Variants in LSAMP observed in about 807,000 individuals in gnomAD.
LSAMP encodes the protein limbic system-associated membrane protein.
In LSAMP, 7 loss-of-function variants were observed where a neutral mutation model predicts 38.6. The ratio of observed to expected loss-of-function variants is 0.18; its 90% CI spans 0.10 to 0.34. The LOEUF (loss-of-function observed/expected upper bound fraction) is 0.34, where lower values mean the gene tolerates loss of function less well. Ranked by LOEUF, LSAMP falls within the 10% of genes least tolerant of loss-of-function variation. The pLI is 1.00. For missense variants in LSAMP, 313 were observed against 420.0 expected (o/e 0.75, Z 2.23); for synonymous variants, 154 against 166.8 (o/e 0.92, Z 0.59).
chr3:115,805,843 T>C lies in LSAMP; in HGVS notation c.*4474A>G, dbSNP rs1414698995. ...TTTACAGATATTATGCCAACCATGA[T>C]GGAAAATTTACATCACTGAGGCAAA... On this transcript the variant is annotated 3_prime_UTR_variant, in exon 7 of 7. Transcript: ENST00000490035. The C allele has an allele frequency of 6.6e-6, 1 of 152,230 alleles. No individual in the cohort carries two copies. Among genetic ancestry groups the C allele is most frequent in the Non-Finnish European group, 1.5e-5 (1 of 68,040 alleles). The allele number at this position is 152,230 out of a possible 1,614,324, so 9.4% of individuals were successfully genotyped here. A position where few individuals can be genotyped will look rare whatever the true frequency, so the allele number is the denominator to read the frequency against.
intron 1 of LSAMP, among the ~76,000 whole-genome samples, chr3:116,217,345 A>T (rs2046232602): frequency 6.6e-6 from 1 of 152,230 alleles, no homozygotes; most frequent in African/African-American, 2.4e-5. Context: ...TAGAAGAGTG[A>T]CTGGCAACAT....
chr3:115,872,943 T>C lies in LSAMP; in HGVS notation c.515-20326A>G, dbSNP rs144367740. 8.2e-3 allele frequency among the ~76,000 whole-genome samples: 1,244 copies of C among 152,066 alleles called. 17 individuals are homozygous for C. Among genetic ancestry groups the C allele is most frequent in the African/African-American group, 0.028 (1,160 of 41,414 alleles). On this transcript the variant is annotated intron_variant, in intron 3 of 6. Transcript: ENST00000490035. ...CTAGTTTAATTAAGGAAGTATAACA[T>C]ATGTATGAAACATATATGATACATA...
At chr3:116,068,333 TCA>T (rs1707510730) in intron 2 of LSAMP, among the ~76,000 whole-genome samples, 1 of 152,202 alleles carries the variant, frequency 6.6e-6, no homozygotes, top group African/African-American at 2.4e-5. Context: ...CAATCTGCAT[TCA>T]GAAAAGTTAT....
In LSAMP at chr3:115,808,199, TCTTTC is replaced by T. The variant is rs1407867578; in HGVS notation, c.*2113_*2117del. 4.4e-5 allele frequency: 6 copies of T among 137,786 alleles called. No individual in the cohort carries two copies. Among genetic ancestry groups the T allele is most frequent in the Admixed American group, 1.5e-4 (2 of 13,536 alleles). 8.5% of individuals were successfully genotyped at this position (137,786 alleles called of 1,614,324 possible). A position where few individuals can be genotyped will look rare whatever the true frequency, so the allele number is the denominator to read the frequency against. On this transcript the variant is annotated 3_prime_UTR_variant, in exon 7 of 7. Coordinates refer to ENST00000490035, the MANE Select transcript of LSAMP (RefSeq NM_002338.5). ...TGCCTTCCTTCCTTCCTTCCTTCCT[TCTTTC>T]CTTTCTTTTTTTCCAGTTACAAAGT... is the stretch of plus-strand genomic sequence containing the variant.
At chr3:116,032,230 A>G (rs1291132290) in intron 2 of LSAMP, among the ~76,000 whole-genome samples, 1 of 152,210 alleles carries the variant, frequency 6.6e-6, no homozygotes, top group African/African-American at 2.4e-5. Flanking sequence ...AGTAATAATG[A>G]CAGTAATTAA....
intron 1 of LSAMP, among the ~76,000 whole-genome samples, chr3:116,426,865 AATTATT>A (rs1197339109): frequency 6.6e-6 from 1 of 150,636 alleles, no homozygotes; most frequent in Non-Finnish European, 1.5e-5. Flanking sequence ...GGGGGAGTGT[AATTATT>A]ATTATTAATA....
intron 1 of LSAMP, among the ~76,000 whole-genome samples, chr3:116,123,350 T>A (rs1417121515): frequency 3.9e-5 from 6 of 152,198 alleles, no homozygotes; most frequent in Non-Finnish European, 2.9e-5. Context: ...AGAGATACAG[T>A]TTATCCTCTG....
intron 1 of LSAMP, among the ~76,000 whole-genome samples, chr3:116,401,767 T>C (rs2048843984): frequency 6.6e-6 from 1 of 152,218 alleles, no homozygotes; most frequent in South Asian, 2.1e-4. Flanking sequence ...AAGTTAAGGC[T>C]ATATATGTTC....
chr3:116,141,556 C>T (rs1162061028), intron 1 of LSAMP, among the ~76,000 whole-genome samples: 1 of 151,878 alleles, frequency 6.6e-6, no homozygotes, highest in African/African-American at 2.4e-5. Context: ...CAGGAAAGGT[C>T]TTAGGTCCTA....
At chr3:116,094,001 G>A (rs1484688828) in intron 1 of LSAMP, among the ~76,000 whole-genome samples, 1 of 152,118 alleles carries the variant, frequency 6.6e-6, no homozygotes, top group Non-Finnish European at 1.5e-5. Flanking sequence ...ATGGAATAAA[G>A]CATGAAAATA....
intron 3 of LSAMP, among the ~76,000 whole-genome samples, chr3:116,002,033 T>C (rs575607410): frequency 2.2e-4 from 34 of 152,326 alleles, no homozygotes; most frequent in Admixed American, 1.4e-3. Flanking sequence ...TCTTTGACTT[T>C]AACTTTTGAA....
intron 3 of LSAMP, among the ~76,000 whole-genome samples, chr3:115,905,292 T>G (rs1430650611): frequency 6.6e-6 from 1 of 152,008 alleles, no homozygotes; most frequent in Non-Finnish European, 1.5e-5. Flanking sequence ...CACCTCTCTC[T>G]CCTAGGTACT....
At chr3:116,092,636 T>C (rs561327882) in intron 1 of LSAMP, among the ~76,000 whole-genome samples, 2 of 152,332 alleles carry the variant, frequency 1.3e-5, no homozygotes, top group South Asian at 2.1e-4. Flanking sequence ...ATCTTAAGCA[T>C]TGAATTTCTT....
At chr3:116,227,985 G>C (rs1293397368) in intron 1 of LSAMP, among the ~76,000 whole-genome samples, 1 of 152,098 alleles carries the variant, frequency 6.6e-6, no homozygotes. Flanking sequence ...CTTGTAAATA[G>C]TGACCACAGT....
intron 1 of LSAMP, among the ~76,000 whole-genome samples, chr3:116,207,080 G>A (rs1250232363): frequency 1.3e-5 from 2 of 151,986 alleles, no homozygotes; most frequent in Non-Finnish European, 1.5e-5. Context: ...TTATGAATCT[G>A]GGTGCTACTG....
chr3:115,930,986 C>T (rs773254200), intron 3 of LSAMP, among the ~76,000 whole-genome samples: 2 of 152,122 alleles, frequency 1.3e-5, no homozygotes, highest in Non-Finnish European at 2.9e-5. Context: ...TAAATTGAAG[C>T]CAGTCCTAGG....
chr3:115,958,366 C>A (rs148846883), intron 3 of LSAMP, among the ~76,000 whole-genome samples: 4 of 152,210 alleles, frequency 2.6e-5, no homozygotes, highest in South Asian at 4.1e-4. Flanking sequence ...GGGTAAAGAT[C>A]ATTTATTTAA....
At chr3:115,978,343 C>G (rs532730646) in intron 3 of LSAMP, among the ~76,000 whole-genome samples, 1 of 151,988 alleles carries the variant, frequency 6.6e-6, no homozygotes, top group Admixed American at 6.6e-5. Context: ...TAAGGGAGGG[C>G]AGACATGATA....
chr3:115,843,709 A>G (rs1028514740), intron 4 of LSAMP, among the ~76,000 whole-genome samples: 2 of 152,114 alleles, frequency 1.3e-5, no homozygotes, highest in Non-Finnish European at 2.9e-5. Flanking sequence ...GTATTAAAAA[A>G]CTATTGCCTA....
Sources: gnomAD v4.1 joint callset for allele counts (sites outside exome capture counted in the v4.1 genomes callset) on GRCh38, gnomAD v4.1.1 for gene constraint, MANE v1.5 for transcripts, NCBI Gene and HGNC (gene_info 2026-07-23, HGNC 2026-07-21) for gene names.